BAIAP2: variants seen among roughly 807,000 people sequenced by gnomAD.
BAIAP2 encodes the protein BAR/IMD domain containing adaptor protein 2, also known as BAR/IMD domain-containing adapter protein 2.
BAIAP2 carries 18 observed loss-of-function variants against 63.0 expected under a neutral mutation model. That is an observed-to-expected ratio of 0.29 (90% CI 0.20 to 0.42). The LOEUF (loss-of-function observed/expected upper bound fraction) is 0.42, where lower values mean the gene tolerates loss of function less well. BAIAP2 is among the 10% of genes least tolerant of loss of function. The probability of loss-of-function intolerance (pLI) is 1.00; values close to 1 mark genes in which losing one functional copy is unlikely to be tolerated. For missense variants in BAIAP2, 610 were observed against 734.3 expected (o/e 0.83, Z 1.96); for synonymous variants, 386 against 307.6 (o/e 1.25, Z -2.67).
intron 13 of BAIAP2, among the ~76,000 whole-genome samples, chr17:81,111,454 G>A (rs1027066855): frequency 1.3e-5 from 2 of 152,220 alleles, no homozygotes; most frequent in African/African-American, 4.8e-5. Flanking sequence ...CCAGGTGTTG[G>A]GCCCACTGGG....
At chr17:81,047,582 C>T (rs925143097) in intron 1 of BAIAP2, among the ~76,000 whole-genome samples, 1 of 151,812 alleles carries the variant, frequency 6.6e-6, no homozygotes, top group African/African-American at 2.4e-5. Flanking sequence ...CAGCTCATGC[C>T]CACAGCACAC....
chr17:81,083,438 A>G (rs1346608679), intron 3 of BAIAP2: 1 of 152,204 alleles, frequency 6.6e-6, no homozygotes, highest in African/African-American at 2.4e-5. Flanking sequence ...ACAGTAGCTC[A>G]GCAAATATTT....
chr17:81,080,580 T>C (rs1472766806), intron 3 of BAIAP2, among the ~76,000 whole-genome samples: 1 of 152,212 alleles, frequency 6.6e-6, no homozygotes, highest in East Asian at 1.9e-4. Flanking sequence ...TTTTTCTTTT[T>C]GGATTCAGCA....
intron 3 of BAIAP2, among the ~76,000 whole-genome samples, chr17:81,084,177 G>A (rs2055149895): frequency 6.6e-6 from 1 of 152,220 alleles, no homozygotes; most frequent in African/African-American, 2.4e-5. Context: ...CCTCAGCGAT[G>A]GCAAGGCGAG....
At chr17:81,038,584 G>A (rs2046625324) in intron 1 of BAIAP2, among the ~76,000 whole-genome samples, 3 of 152,256 alleles carry the variant, frequency 2.0e-5, no homozygotes, top group Non-Finnish European at 1.5e-5. Context: ...TGGCGGGGCC[G>A]CAGCCGTGCT....
intron 3 of BAIAP2, among the ~76,000 whole-genome samples, chr17:81,080,698 C>G (rs888778447): frequency 3.3e-5 from 5 of 152,188 alleles, no homozygotes; most frequent in African/African-American, 1.2e-4. Context: ...CTGGTCTTGA[C>G]ATTCACTTAT....
chr17:81,047,132 G>A (rs752246405), intron 1 of BAIAP2, among the ~76,000 whole-genome samples: 7 of 152,326 alleles, frequency 4.6e-5, no homozygotes, highest in East Asian at 1.9e-4. Flanking sequence ...CAGGTGGATC[G>A]AGTCACCCTT....
At chr17:81,094,170 C>T (rs905940913) in intron 6 of BAIAP2, among the ~76,000 whole-genome samples, 1 of 152,172 alleles carries the variant, frequency 6.6e-6, no homozygotes, top group African/African-American at 2.4e-5. Context: ...AACATCTTAG[C>T]CCCCACTTCT....
chr17:81,074,727 C>T (rs952988895), intron 3 of BAIAP2, among the ~76,000 whole-genome samples: 3 of 149,134 alleles, frequency 2.0e-5, no homozygotes, highest in Non-Finnish European at 4.5e-5. Flanking sequence ...CGTCTGTGTG[C>T]GTGCACAGAT....
intron 3 of BAIAP2, among the ~76,000 whole-genome samples, chr17:81,059,149 G>T (rs1454316911): frequency 1.3e-5 from 2 of 152,170 alleles, no homozygotes; most frequent in Non-Finnish European, 2.9e-5. Flanking sequence ...CCCACAGGCT[G>T]CTGCCTTGGG....
intron 13 of BAIAP2, chr17:81,109,929 G>A (rs867894605): frequency 5.1e-6 from 5 of 985,272 alleles, no homozygotes; most frequent in East Asian, 1.1e-4. Context: ...CTCTGGGCAC[G>A]CCGCACCCAC....
intron 3 of BAIAP2, among the ~76,000 whole-genome samples, chr17:81,069,184 C>T (rs1404355027): frequency 6.6e-6 from 1 of 152,114 alleles, no homozygotes; most frequent in Non-Finnish European, 1.5e-5. Context: ...TCGTGACGGT[C>T]TCCTAGGTAC....
At chr17:81,080,956 G>T (rs765446228) in intron 3 of BAIAP2, among the ~76,000 whole-genome samples, 2 of 152,248 alleles carry the variant, frequency 1.3e-5, no homozygotes, top group Admixed American at 1.3e-4. Context: ...CCCACGCCAG[G>T]ATAGGGGGCC....
chr17:81,073,677 T>C (rs1312155261), intron 3 of BAIAP2, among the ~76,000 whole-genome samples: 1 of 152,214 alleles, frequency 6.6e-6, no homozygotes, highest in Non-Finnish European at 1.5e-5. Flanking sequence ...TCTTTTTCAC[T>C]GTCTCTGAGA....
chr17:81,075,132 G>A (rs1295523581), intron 3 of BAIAP2, among the ~76,000 whole-genome samples: 2 of 152,236 alleles, frequency 1.3e-5, no homozygotes, highest in Non-Finnish European at 2.9e-5. Context: ...CCACAGAGCT[G>A]TCTCCAGCCA....
chr17:81,074,195 G>A (rs1012444534), intron 3 of BAIAP2, among the ~76,000 whole-genome samples: 2 of 152,248 alleles, frequency 1.3e-5, no homozygotes, highest in Admixed American at 6.5e-5. Context: ...TTAGGACACA[G>A]CTGCAGTATT....
At chr17:81,074,564 C>T (rs901143006) in intron 3 of BAIAP2, among the ~76,000 whole-genome samples, 5 of 122,464 alleles carry the variant, frequency 4.1e-5, no homozygotes, top group African/African-American at 9.6e-5. Flanking sequence ...AGTGCCTGTT[C>T]GTGTGCGTGC....
At chr17:81,099,344 C>T (rs962810889) in intron 6 of BAIAP2, among the ~76,000 whole-genome samples, 4 of 152,252 alleles carry the variant, frequency 2.6e-5, no homozygotes, top group African/African-American at 7.2e-5. Context: ...AGATGAGGTG[C>T]GCCCGGAGTC....
intron 10 of BAIAP2, chr17:81,105,749 T>C (rs1200085782): frequency 3.7e-6 from 1 of 272,094 alleles, no homozygotes; most frequent in East Asian, 9.8e-5. Context: ...GCCACTCCAA[T>C]CTTGGTGCCA....
Sources: gnomAD v4.1 joint callset for allele counts (sites outside exome capture counted in the v4.1 genomes callset) on GRCh38, gnomAD v4.1.1 for gene constraint, MANE v1.5 for transcripts, NCBI Gene and HGNC (gene_info 2026-07-23, HGNC 2026-07-21) for gene names.